FUT9: variants seen among roughly 807,000 people sequenced by gnomAD.
The protein encoded by FUT9 is 4-galactosyl-N-acetylglucosaminide 3-alpha-L-fucosyltransferase 9.
FUT9 carries 15 observed loss-of-function variants against 29.7 expected under a neutral mutation model. The ratio of observed to expected loss-of-function variants is 0.51; its 90% confidence interval spans 0.34 to 0.78. The LOEUF is 0.78. FUT9 is among the 30% of genes least tolerant of loss of function. The pLI is 0.01. For synonymous variants in FUT9, 169 were observed against 153.7 expected (o/e 1.10, Z -0.74); for missense variants, 319 against 425.4 (o/e 0.75, Z 2.20).
chr6:96,058,503 A>G (rs1346522823), intron 1 of FUT9, among the ~76,000 whole-genome samples: 1 of 150,374 alleles, frequency 6.7e-6, no homozygotes, highest in Non-Finnish European at 1.5e-5. Context: ...AAAAAGCCAC[A>G]GTTAGAAGTA....
intron 2 of FUT9, among the ~76,000 whole-genome samples, chr6:96,135,088 C>G (rs1356489728): frequency 3.3e-5 from 5 of 151,976 alleles, no homozygotes; most frequent in South Asian, 2.1e-4. Flanking sequence ...AAGAAAATTA[C>G]TCTTTCAATG....
intron 2 of FUT9, among the ~76,000 whole-genome samples, chr6:96,180,211 T>C (rs758472411): frequency 6.6e-6 from 1 of 152,172 alleles, no homozygotes; most frequent in Non-Finnish European, 1.5e-5. Context: ...GTGTTTGCTA[T>C]GTCCAGGGAC....
intron 2 of FUT9, among the ~76,000 whole-genome samples, chr6:96,144,224 G>T (rs1014259570): frequency 8.2e-5 from 2 of 24,418 alleles, no homozygotes; most frequent in Non-Finnish European, 1.5e-3. Context: ...CTTCCTTAGT[G>T]ATTTTTTTTT....
At chr6:96,162,962 T>A (rs1772940791) in intron 2 of FUT9, among the ~76,000 whole-genome samples, 1 of 152,202 alleles carries the variant, frequency 6.6e-6, no homozygotes, top group Admixed American at 6.5e-5. Context: ...TCCCTTGCAG[T>A]GGAGGCCTTT....
At chr6:96,112,563 C>A (rs1052687770) in intron 1 of FUT9, among the ~76,000 whole-genome samples, 5 of 151,988 alleles carry the variant, frequency 3.3e-5, no homozygotes, top group African/African-American at 9.7e-5. Context: ...ACAAAGAAAT[C>A]AGATTGAATT....
intron 1 of FUT9, among the ~76,000 whole-genome samples, chr6:96,066,425 C>A (rs1440885559): frequency 6.6e-6 from 1 of 152,024 alleles, no homozygotes; most frequent in Admixed American, 6.6e-5. Flanking sequence ...GATTGCTCTA[C>A]ACATTGTCCT....
chr6:96,178,996 T>C (rs1205463208), intron 2 of FUT9, among the ~76,000 whole-genome samples: 4 of 152,114 alleles, frequency 2.6e-5, no homozygotes, highest in African/African-American at 9.7e-5. Context: ...GTAGTTTCTG[T>C]CATTTTGGGA....
intron 1 of FUT9, among the ~76,000 whole-genome samples, chr6:96,093,761 C>T (rs1163148934): frequency 1.3e-5 from 2 of 152,022 alleles, no homozygotes; most frequent in East Asian, 3.9e-4. Context: ...TAAAATATTA[C>T]CAAGAACCTT....
intron 2 of FUT9, among the ~76,000 whole-genome samples, chr6:96,160,856 T>C (rs1182346323): frequency 6.6e-6 from 1 of 152,162 alleles, no homozygotes; most frequent in Non-Finnish European, 1.5e-5. Flanking sequence ...CTTAAAGTAG[T>C]AGAAATAACA....
chr6:96,194,408 T>G (rs1562160353), intron 2 of FUT9, among the ~76,000 whole-genome samples: 1 of 152,006 alleles, frequency 6.6e-6, no homozygotes, highest in Non-Finnish European at 1.5e-5. Context: ...TGTGAACAAA[T>G]TGAAAGGATC....
rs1306926255 is a variant in FUT9 at position 96,209,581 on chromosome 6, T to C, written c.*5346T>C. On this transcript the variant is annotated 3_prime_UTR_variant, in exon 3 of 3. Transcript: ENST00000302103. ...TTATTGATGCAAAAAATTTAGGGAG[T>C]CATTGGAAATACCTGAGGCAATCCC... The C allele has an allele frequency of 1.2e-5, 2 of 166,852 alleles. No individual in the cohort carries two copies. Among genetic ancestry groups the C allele is most frequent in the Non-Finnish European group, 2.9e-5 (2 of 68,036 alleles). The allele number at this position is 166,852 out of a possible 1,614,324, so 10.3% of individuals were successfully genotyped here. A position where few individuals can be genotyped will look rare whatever the true frequency, so the allele number is the denominator to read the frequency against.
intron 2 of FUT9, among the ~76,000 whole-genome samples, chr6:96,154,566 A>T (rs1772740494): frequency 6.6e-6 from 1 of 152,056 alleles, no homozygotes; most frequent in Admixed American, 6.6e-5. Flanking sequence ...AGGTTAGTGG[A>T]CTCTGGGTAT....
intron 2 of FUT9, among the ~76,000 whole-genome samples, chr6:96,138,585 T>G (rs1379754001): frequency 1.3e-5 from 2 of 152,112 alleles, no homozygotes; most frequent in East Asian, 3.9e-4. Flanking sequence ...CACAGATGGT[T>G]AGCAACAAGG....
At chr6:96,139,233 C>T (rs1282721767) in intron 2 of FUT9, among the ~76,000 whole-genome samples, 3 of 152,162 alleles carry the variant, frequency 2.0e-5, no homozygotes, top group Non-Finnish European at 2.9e-5. Context: ...TGAAATTCAA[C>T]AGGGCAGTCA....
chr6:96,134,662 A>C (rs562361977), intron 2 of FUT9, among the ~76,000 whole-genome samples: 1 of 151,878 alleles, frequency 6.6e-6, no homozygotes, highest in African/African-American at 2.4e-5. Context: ...AATCCCACGA[A>C]ACAGATACAT....
At chr6:96,142,637 C>A (rs1772485560) in intron 2 of FUT9, among the ~76,000 whole-genome samples, 1 of 151,796 alleles carries the variant, frequency 6.6e-6, no homozygotes, top group Admixed American at 6.6e-5. Context: ...CTGAGAAGTT[C>A]ATTTTTTTCT....
intron 1 of FUT9, among the ~76,000 whole-genome samples, chr6:96,041,601 A>G (rs974290803): frequency 1.3e-5 from 2 of 152,146 alleles, no homozygotes; most frequent in Non-Finnish European, 2.9e-5. Flanking sequence ...TGGCCCTGAA[A>G]TGGACTTGTG....
intron 1 of FUT9, among the ~76,000 whole-genome samples, chr6:96,039,971 T>C (rs192902897): frequency 6.6e-6 from 1 of 152,230 alleles, no homozygotes; most frequent in Non-Finnish European, 1.5e-5. Context: ...GTCTCTTTCC[T>C]TCTCTTTCTT....
chr6:96,085,268 T>G (rs1396813358), intron 1 of FUT9, among the ~76,000 whole-genome samples: 4 of 152,194 alleles, frequency 2.6e-5, no homozygotes, highest in Non-Finnish European at 5.9e-5. Flanking sequence ...ATGTATTTCT[T>G]ATGGTTCAGG....
Sources: gnomAD v4.1 joint callset for allele counts (sites outside exome capture counted in the v4.1 genomes callset) on GRCh38, gnomAD v4.1.1 for gene constraint, MANE v1.5 for transcripts, NCBI Gene and HGNC (gene_info 2026-07-23, HGNC 2026-07-21) for gene names.